Variants in SIAH3 observed in about 807,000 individuals in gnomAD.
SIAH3 encodes the protein seven in absentia homolog 3.
Under a neutral mutation model 12.6 loss-of-function variants are expected in SIAH3, and 9 were observed. The observed-to-expected ratio is 0.72, with a 90% confidence interval of 0.43 to 1.25. The LOEUF is 1.25. Ranked by LOEUF, SIAH3 falls within the 50% of genes most tolerant of loss-of-function variation. The pLI is 0.00. For synonymous variants in SIAH3, 154 were observed against 151.1 expected (o/e 1.02, Z -0.14); for missense variants, 390 against 365.4 (o/e 1.07, Z -0.55).
chr13:45,809,773 T>C (rs1418227177), intron 1 of SIAH3, among the ~76,000 whole-genome samples: 1 of 152,236 alleles, frequency 6.6e-6, no homozygotes, highest in African/African-American at 2.4e-5. Context: ...CTGGGTGGAA[T>C]TACAGGCAGT....
chr13:45,793,871 T>A (rs542931726), intron 1 of SIAH3, among the ~76,000 whole-genome samples: 11 of 152,336 alleles, frequency 7.2e-5, no homozygotes, highest in African/African-American at 2.4e-4. Flanking sequence ...GACCTTGAGA[T>A]GAGATCATTC....
At chr13:45,789,274 T>C (rs989815498) in intron 1 of SIAH3, among the ~76,000 whole-genome samples, 8 of 152,244 alleles carry the variant, frequency 5.3e-5, no homozygotes, top group African/African-American at 1.4e-4. Context: ...GAGATCTTCA[T>C]GTGGACAGTA....
intron 1 of SIAH3, among the ~76,000 whole-genome samples, chr13:45,822,479 G>C (rs1432042960): frequency 2.1e-5 from 3 of 141,904 alleles, no homozygotes; most frequent in Non-Finnish European, 4.5e-5. Flanking sequence ...TAACTTGAGT[G>C]ATCAATGCTG....
chr13:45,842,595 G>A (rs1261860271), intron 1 of SIAH3, among the ~76,000 whole-genome samples: 1 of 152,158 alleles, frequency 6.6e-6, no homozygotes, highest in African/African-American at 2.4e-5. Context: ...GAATCCTTCT[G>A]CCTCAGCCTC....
rs1176533618 is a variant in SIAH3, at chr13:45,781,223, G to A, written c.*2160C>T. On this transcript the variant is annotated 3_prime_UTR_variant, in exon 2 of 2. Coordinates refer to ENST00000400405, the MANE Select transcript of SIAH3 (RefSeq NM_198849.3). Reference sequence around the variant, plus strand: ...GCAGGAGCCCTAAGGCCCTGTGAATGTTAGTTATATTCTTAGTGAGGTTTT... The same window carrying A: ...GCAGGAGCCCTAAGGCCCTGTGAATATTAGTTATATTCTTAGTGAGGTTTT... The A allele has an allele frequency of 6.6e-6, 1 of 152,644 alleles. No homozygotes were observed. Among genetic ancestry groups the A allele is most frequent in the Admixed American group, 6.5e-5 (1 of 15,284 alleles). 9.5% of individuals were successfully genotyped at this position (152,644 alleles called of 1,614,324 possible).
At chr13:45,835,017 C>A (rs1418589370) in intron 1 of SIAH3, among the ~76,000 whole-genome samples, 1 of 151,942 alleles carries the variant, frequency 6.6e-6, no homozygotes, top group Non-Finnish European at 1.5e-5. Context: ...ATTAAAGGGC[C>A]CTTTTCATGT....
chr13:45,786,114 C>T (rs9562616), intron 1 of SIAH3, among the ~76,000 whole-genome samples: 87,684 of 151,954 alleles, frequency 0.58, 25,750 homozygotes, highest in East Asian at 0.75. Flanking sequence ...GTGATTTGGT[C>T]GGGGGGGTTT....
chr13:45,851,584 GAAT>G lies in SIAH3; in HGVS notation c.43_45del (p.Ile15del). The G allele has an allele frequency of 6.2e-7, 1 of 1,614,206 alleles. No individual in the cohort carries two copies. The highest frequency in any genetic ancestry group is 8.5e-7 in the Non-Finnish European group (1 of 1,180,044). ...GCCTTGTAGTGCTGAAACCGGAGAT[GAAT>G]GAGATCTAATACAGCCCCAAAGCAC... On this transcript the variant is annotated inframe_deletion, in exon 1 of 2. Transcript: ENST00000400405.
intron 1 of SIAH3, among the ~76,000 whole-genome samples, chr13:45,815,393 C>T (rs960660765): frequency 1.3e-5 from 2 of 152,098 alleles, no homozygotes; most frequent in Admixed American, 1.3e-4. Context: ...ATTCTGCCTA[C>T]AGACTGTCTT....
intron 1 of SIAH3, among the ~76,000 whole-genome samples, chr13:45,834,083 C>A (rs368093552): frequency 6.6e-6 from 1 of 151,952 alleles, no homozygotes; most frequent in South Asian, 2.1e-4. Context: ...ATCTCATTCC[C>A]GGAATTCTAA....
chr13:45,817,819 A>G (rs542746201), intron 1 of SIAH3, among the ~76,000 whole-genome samples: 1 of 152,338 alleles, frequency 6.6e-6, no homozygotes, highest in African/African-American at 2.4e-5. Context: ...CAACATTGCT[A>G]TTCCCATTCT....
intron 1 of SIAH3, among the ~76,000 whole-genome samples, chr13:45,818,884 A>T (rs1474231483): frequency 6.6e-6 from 1 of 152,218 alleles, no homozygotes; most frequent in East Asian, 1.9e-4. Flanking sequence ...GTTTACCATG[A>T]TAAGACAGTC....
chr13:45,811,430 C>T (rs958265680), intron 1 of SIAH3, among the ~76,000 whole-genome samples: 6 of 152,154 alleles, frequency 3.9e-5, no homozygotes, highest in Non-Finnish European at 7.3e-5. Context: ...TGAAAGGGTA[C>T]TTTTTTTGAG....
intron 1 of SIAH3, among the ~76,000 whole-genome samples, chr13:45,849,903 G>GA (rs1042593001): frequency 5.3e-5 from 8 of 152,072 alleles, no homozygotes; most frequent in Non-Finnish European, 7.4e-5. Flanking sequence ...ATCCAAAGTG[G>GA]AAAAAATAAT....
chr13:45,813,856 C>T (rs2137565698), intron 1 of SIAH3, among the ~76,000 whole-genome samples: 1 of 152,210 alleles, frequency 6.6e-6, no homozygotes, highest in Non-Finnish European at 1.5e-5. Context: ...ATGACCTCAT[C>T]TAAACCCACC....
At chr13:45,840,761 T>C (rs73472601) in intron 1 of SIAH3, among the ~76,000 whole-genome samples, 6,572 of 152,276 alleles carry the variant, frequency 0.043, 374 homozygotes, top group East Asian at 0.13. Context: ...TCAATATTAA[T>C]CCTAAGGCCA....
In SIAH3 at chr13:45,850,362, C is replaced by T. The variant is rs116427179; in HGVS notation, c.135+1133G>A. 3.3e-3 allele frequency among the ~76,000 whole-genome samples: 507 copies of T among 152,282 alleles called. 5 individuals are homozygous for T. Among genetic ancestry groups the T allele is most frequent in the African/African-American group, 0.011 (475 of 41,550 alleles). ...ATAAAGTAATGGACAACAGGCAATG[C>T]TCTTCCTGCCCAACAGCAGTGGTCA... On this transcript the variant is annotated intron_variant, in intron 1 of 1. Transcript: ENST00000400405.
chr13:45,806,669 A>G (rs995058750), intron 1 of SIAH3, among the ~76,000 whole-genome samples: 1 of 152,210 alleles, frequency 6.6e-6, no homozygotes, highest in Non-Finnish European at 1.5e-5. Flanking sequence ...CCTTAGTGAC[A>G]CGTCATTTAC....
intron 1 of SIAH3, among the ~76,000 whole-genome samples, chr13:45,836,663 G>A (rs1463012080): frequency 1.3e-5 from 2 of 152,162 alleles, no homozygotes; most frequent in African/African-American, 4.8e-5. Flanking sequence ...AACAGCTAAT[G>A]GATGCTGAGT....
Sources: gnomAD v4.1 joint callset for allele counts (sites outside exome capture counted in the v4.1 genomes callset) on GRCh38, gnomAD v4.1.1 for gene constraint, MANE v1.5 for transcripts, NCBI Gene and HGNC (gene_info 2026-07-23, HGNC 2026-07-21) for gene names.